The following ZCCHC24 variants were observed in gnomAD, a reference collection of about 807,000 sequenced individuals.
ZCCHC24 encodes the protein zinc finger CCHC-type containing 24, also known as zinc finger CCHC domain-containing protein 24.
Under a neutral mutation model 26.2 loss-of-function variants are expected in ZCCHC24, and 10 were observed. That is an observed-to-expected ratio of 0.38 (90% CI 0.24 to 0.65). ZCCHC24 has a LOEUF of 0.65. Among genes scored for constraint, ZCCHC24 ranks in the 30% least tolerant of loss-of-function variants. The probability of loss-of-function intolerance (pLI) is 0.54; values close to 1 mark genes in which losing one functional copy is unlikely to be tolerated. For synonymous variants in ZCCHC24, 144 were observed against 147.1 expected, an observed-to-expected ratio of 0.98 and a Z score of 0.15; for missense variants, 243 against 329.1, an observed-to-expected ratio of 0.74 and a Z score of 2.03.
chr10:79,419,081 C>T (rs1856905408), intron 2 of ZCCHC24, among the ~76,000 whole-genome samples: 1 of 152,206 alleles, frequency 6.6e-6, no homozygotes, highest in South Asian at 2.1e-4. Context: ...AATTAAGCAG[C>T]TGCAGGGGTG....
At position 79,432,604 on chromosome 10, in the gene ZCCHC24, C is replaced by T; in HGVS notation, c.401G>A (p.Cys134Tyr). 2 of 1,607,588 alleles carry T rather than the reference C, an allele frequency of 1.2e-6. No homozygotes were observed. Among genetic ancestry groups the T allele is most frequent in the Non-Finnish European group, 1.7e-6 (2 of 1,176,934 alleles). Residue 134 changes from cysteine to tyrosine, a missense_variant, in exon 2 of 4, where the codon TGC (cysteine) becomes TAC (tyrosine). Cys to Tyr is a radical substitution (Grantham distance 194). Around this residue, in one of 2 missense-constraint regions of ZCCHC24, gnomAD observed 96 missense variants for 178.3 expected, o/e 0.54. Coordinates refer to ENST00000372336, the MANE Select transcript of ZCCHC24 (RefSeq NM_153367.4). ...PSKRPPPNYLCHLCFNKGHYI... is the reference protein window; with the variant it reads ...PSKRPPPNYLYHLCFNKGHYI... ...GTGTCCTTTGTTGAAGCACAGGTGG[C>T]ACAGGTAGTTGGGTGGGGGCCGCTT...
chr10:79,444,061 C>G, intron 1 of ZCCHC24: 1 of 1,525,660 alleles, frequency 6.6e-7, no homozygotes, highest in Non-Finnish European at 8.8e-7. Flanking sequence ...ATAGGCTTTC[C>G]TCCCCAACCC....
At chr10:79,391,606 G>A (rs1856479370) in intron 3 of ZCCHC24, among the ~76,000 whole-genome samples, 1 of 151,818 alleles carries the variant, frequency 6.6e-6, no homozygotes, top group Non-Finnish European at 1.5e-5. Flanking sequence ...TGCAGAAACT[G>A]GGCTGTTCCT....
chr10:79,398,303 C>T (rs1856574764), intron 2 of ZCCHC24, among the ~76,000 whole-genome samples: 1 of 152,214 alleles, frequency 6.6e-6, no homozygotes, highest in Admixed American at 6.5e-5. Flanking sequence ...ACTCTCTGTG[C>T]CTTGGTTTCC....
intron 2 of ZCCHC24, among the ~76,000 whole-genome samples, chr10:79,413,357 T>C (rs1358775288): frequency 6.6e-6 from 1 of 152,248 alleles, no homozygotes; most frequent in Non-Finnish European, 1.5e-5. Flanking sequence ...CTCTGCCTCC[T>C]GGCCTCTGAG....
At chr10:79,422,626 A>G (rs1848624140) in intron 2 of ZCCHC24, among the ~76,000 whole-genome samples, 1 of 152,138 alleles carries the variant, frequency 6.6e-6, no homozygotes, top group South Asian at 2.1e-4. Context: ...TGCAATCTCC[A>G]AGAAACCCGA....
intron 1 of ZCCHC24, among the ~76,000 whole-genome samples, chr10:79,438,119 C>T (rs764203947): frequency 1.3e-4 from 20 of 152,118 alleles, no homozygotes; most frequent in East Asian, 3.9e-4. Flanking sequence ...GAGAAGGCCC[C>T]GGAGGAGGAA....
chr10:79,433,994 C>G (rs1301634182), intron 1 of ZCCHC24, among the ~76,000 whole-genome samples: 1 of 152,264 alleles, frequency 6.6e-6, no homozygotes, highest in Non-Finnish European at 1.5e-5. Context: ...AGCCACCCAA[C>G]TGTATCCATC....
At chr10:79,444,802 A>G (rs1356789196) in intron 1 of ZCCHC24, among the ~76,000 whole-genome samples, 1 of 152,150 alleles carries the variant, frequency 6.6e-6, no homozygotes. Flanking sequence ...CAGGACGAGG[A>G]TAAGGTTGGG....
At chr10:79,390,211 C>T (rs1681102854) in intron 3 of ZCCHC24, among the ~76,000 whole-genome samples, 1 of 152,178 alleles carries the variant, frequency 6.6e-6, no homozygotes, top group African/African-American at 2.4e-5. Flanking sequence ...ATAAAAAGCT[C>T]CAGAAGACTT....
intron 2 of ZCCHC24, chr10:79,408,932 A>G (rs967688701): frequency 5.3e-5 from 8 of 152,226 alleles, no homozygotes; most frequent in Admixed American, 5.2e-4. Flanking sequence ...AAATCAGGAA[A>G]GGCAAATACT....
chr10:79,422,635 G>A (rs1856962388), intron 2 of ZCCHC24, among the ~76,000 whole-genome samples: 1 of 152,104 alleles, frequency 6.6e-6, no homozygotes, highest in South Asian at 2.1e-4. Context: ...CAAGAAACCC[G>A]AGCTGCCAGA....
chr10:79,391,781 T>C (rs1856483384), intron 3 of ZCCHC24, among the ~76,000 whole-genome samples: 1 of 151,200 alleles, frequency 6.6e-6, no homozygotes, highest in South Asian at 2.1e-4. Flanking sequence ...AGGGTAGCCT[T>C]CCCCCAGTAG....
At chr10:79,428,400 TTTGCAAGATAAATTTCA>T (rs1564639410) in intron 2 of ZCCHC24, among the ~76,000 whole-genome samples, 1 of 42,408 alleles carries the variant, frequency 2.4e-5, no homozygotes, top group African/African-American at 1.2e-4. Context: ...GTATTTCAGT[TTTGCAAGATAAATTTCA>T]GTTTTGCAAG....
chr10:79,422,601 C>G (rs1292320825), intron 2 of ZCCHC24, among the ~76,000 whole-genome samples: 3 of 152,226 alleles, frequency 2.0e-5, no homozygotes, highest in Non-Finnish European at 4.4e-5. Context: ...TCTCTCGGCT[C>G]TATTTTTCTT....
At chr10:79,407,374 G>A (rs753797284) in intron 2 of ZCCHC24, among the ~76,000 whole-genome samples, 3 of 152,216 alleles carry the variant, frequency 2.0e-5, no homozygotes, top group African/African-American at 4.8e-5. Flanking sequence ...GAAGCCATAC[G>A]GCTGTGCTCG....
At chr10:79,401,375 A>G (rs1247183412) in intron 2 of ZCCHC24, among the ~76,000 whole-genome samples, 1 of 152,204 alleles carries the variant, frequency 6.6e-6, no homozygotes, top group African/African-American at 2.4e-5. Context: ...ACAACCATCC[A>G]TGAGCTAAGT....
chr10:79,430,473 A>G (rs1174690410), intron 2 of ZCCHC24, among the ~76,000 whole-genome samples: 2 of 151,140 alleles, frequency 1.3e-5, no homozygotes, highest in Admixed American at 6.6e-5. Context: ...TGCCCTCTCC[A>G]CCTCCCCAAG....
chr10:79,435,144 G>T (rs2132221032), intron 1 of ZCCHC24, among the ~76,000 whole-genome samples: 1 of 152,202 alleles, frequency 6.6e-6, no homozygotes, highest in Admixed American at 6.5e-5. Context: ...TCATGGCTGG[G>T]AAACACAATT....
Sources: gnomAD v4.1 joint callset for allele counts (sites outside exome capture counted in the v4.1 genomes callset) on GRCh38, gnomAD v4.1.1 for gene constraint, gnomAD v4.1.1 regional missense constraint, MANE v1.5 for transcripts, NCBI Gene and HGNC (gene_info 2026-07-23, HGNC 2026-07-21) for gene names.